The following GNAI1 variants were observed in gnomAD, a reference collection of about 807,000 sequenced individuals.
The protein encoded by GNAI1 is guanine nucleotide-binding protein G(i) subunit alpha-1.
Under a neutral mutation model 38.9 loss-of-function variants are expected in GNAI1, and 11 were observed. The observed-to-expected ratio is 0.28, with a 90% CI of 0.18 to 0.47. The LOEUF is 0.47. GNAI1 is among the 20% of genes least tolerant of loss of function. GNAI1 has a pLI of 0.99. For missense variants in GNAI1, 317 were observed against 436.9 expected (o/e 0.73, Z 2.45); for synonymous variants, 166 against 145.1 (o/e 1.14, Z -1.04).
intron 5 of GNAI1, among the ~76,000 whole-genome samples, chr7:80,208,174 A>G (rs531114157): frequency 1.1e-4 from 17 of 152,202 alleles, no homozygotes; most frequent in African/African-American, 3.1e-4. Flanking sequence ...ACCCTTCAGA[A>G]TCCCTAAGAA....
At chr7:80,186,602 C>T (rs1788390211) in intron 1 of GNAI1, among the ~76,000 whole-genome samples, 1 of 152,148 alleles carries the variant, frequency 6.6e-6, no homozygotes. Flanking sequence ...TCTCAAAACT[C>T]ACGAGCTTAC....
intron 5 of GNAI1, among the ~76,000 whole-genome samples, chr7:80,206,917 A>G (rs955034234): frequency 6.6e-6 from 1 of 152,078 alleles, no homozygotes. Flanking sequence ...TTCTCAAAAT[A>G]CTGTAATATT....
At chr7:80,204,286 C>A (rs1006542892) in intron 5 of GNAI1, among the ~76,000 whole-genome samples, 1 of 151,870 alleles carries the variant, frequency 6.6e-6, no homozygotes, top group East Asian at 1.9e-4. Flanking sequence ...ACTTACCTTC[C>A]CTATGAAGGT....
chr7:80,172,643 T>A (rs1317206737), intron 1 of GNAI1, among the ~76,000 whole-genome samples: 1 of 152,164 alleles, frequency 6.6e-6, no homozygotes, highest in Non-Finnish European at 1.5e-5. Context: ...AATTTAAAGA[T>A]ACTTGCAAAG....
At chr7:80,181,390 A>G (rs1282299353) in intron 1 of GNAI1, among the ~76,000 whole-genome samples, 1 of 152,222 alleles carries the variant, frequency 6.6e-6, no homozygotes, top group Non-Finnish European at 1.5e-5. Flanking sequence ...CCCTTCAAAC[A>G]TATGGTGTGA....
At position 80,203,726 on chromosome 7, in the gene GNAI1, A is replaced by G. The variant is rs1407827636; in HGVS notation, c.484A>G (p.Ile162Val). The G allele has an allele frequency of 6.3e-7, 1 of 1,594,362 alleles. No homozygotes were observed. Among genetic ancestry groups the G allele is most frequent in the Non-Finnish European group, 8.6e-7 (1 of 1,164,776 alleles). Residue 162 changes from isoleucine to valine, a missense_variant, in exon 5 of 8, where the codon ATA (isoleucine) becomes GTA (valine). Around this residue, in one of 5 missense-constraint regions of GNAI1, gnomAD observed 158 missense variants for 234.7 expected, o/e 0.67. Coordinates refer to ENST00000649796, the MANE Select transcript of GNAI1 (RefSeq NM_002069.6). The stretch of plus-strand genomic sequence containing the variant: ...CAGCTATTTGAATGACTTGGACAGA[A>G]TAGCTCAACCAAATTACATCCCGAC... Reference protein sequence around the residue: ...AAYYLNDLDRIAQPNYIPTQQ... With the variant: ...AAYYLNDLDRVAQPNYIPTQQ...
intron 7 of GNAI1, 88 bp from the exon 8 acceptor site, chr7:80,217,215 C>G (rs1788986919): frequency 3.6e-6 from 3 of 837,198 alleles, no homozygotes; most frequent in Non-Finnish European, 5.5e-6. Context: ...AAACTGACTT[C>G]AGTTTCATAT....
At chr7:80,178,673 T>C (rs1788237385) in intron 1 of GNAI1, among the ~76,000 whole-genome samples, 1 of 152,208 alleles carries the variant, frequency 6.6e-6, no homozygotes, top group African/African-American at 2.4e-5. Flanking sequence ...ATAGTTAATA[T>C]AGACTATGGT....
At chr7:80,173,912 TTG>T (rs1788139093) in intron 1 of GNAI1, among the ~76,000 whole-genome samples, 1 of 152,072 alleles carries the variant, frequency 6.6e-6, no homozygotes, top group Admixed American at 6.5e-5. Context: ...GGTGCCTTGA[TTG>T]GGAAATATCA....
chr7:80,193,270 A>C (rs1468393705), intron 3 of GNAI1, among the ~76,000 whole-genome samples: 3 of 152,194 alleles, frequency 2.0e-5, no homozygotes, highest in African/African-American at 7.2e-5. Flanking sequence ...TTGGGATTAC[A>C]TCTTACTTAG....
intron 4 of GNAI1, among the ~76,000 whole-genome samples, chr7:80,202,635 C>T (rs542674987): frequency 3.9e-4 from 59 of 152,274 alleles, no homozygotes; most frequent in Admixed American, 1.9e-3. Context: ...CTCAGGCTGT[C>T]ATCTCTCTAT....
At chr7:80,153,853 A>C (rs948346853) in intron 1 of GNAI1, among the ~76,000 whole-genome samples, 1 of 152,190 alleles carries the variant, frequency 6.6e-6, no homozygotes, top group Non-Finnish European at 1.5e-5. Flanking sequence ...TATTTCAGGC[A>C]GGCAATTTAC....
At chr7:80,212,943 A>G in intron 7 of GNAI1, 74 bp downstream of exon 7, 2 of 986,844 alleles carry the variant, frequency 2.0e-6, no homozygotes, top group African/African-American at 1.7e-5. Context: ...GCAAGAATTC[A>G]GTTGTTAATT....
intron 1 of GNAI1, among the ~76,000 whole-genome samples, chr7:80,159,753 A>G (rs1272617166): frequency 6.6e-6 from 1 of 152,166 alleles, no homozygotes; most frequent in East Asian, 1.9e-4. Context: ...TTAAGAGTCT[A>G]GTGTTCAAGT....
At chr7:80,198,241 G>A (rs1466533138) in intron 3 of GNAI1, among the ~76,000 whole-genome samples, 1 of 151,648 alleles carries the variant, frequency 6.6e-6, no homozygotes, top group Non-Finnish European at 1.5e-5. Context: ...TAATACGTAT[G>A]AAAAAATATG....
At chr7:80,137,111 G>A (rs140230545) in intron 1 of GNAI1, among the ~76,000 whole-genome samples, 1 of 151,896 alleles carries the variant, frequency 6.6e-6, no homozygotes, top group Non-Finnish European at 1.5e-5. Context: ...AAGTCCTCTG[G>A]GGGCAAAATA....
intron 3 of GNAI1, 88 bp downstream of exon 3, chr7:80,189,319 A>C: frequency 8.8e-7 from 1 of 1,139,512 alleles, no homozygotes; most frequent in Non-Finnish European, 1.3e-6. Context: ...TAGGCTTGTC[A>C]ACTATCAGGA....
chr7:80,182,802 G>C (rs568959947), intron 1 of GNAI1, among the ~76,000 whole-genome samples: 5 of 152,234 alleles, frequency 3.3e-5, no homozygotes, highest in African/African-American at 1.2e-4. Context: ...GCATGTTCAC[G>C]TGACAAACAG....
At chr7:80,198,969 A>G (rs1239508684) in intron 3 of GNAI1, among the ~76,000 whole-genome samples, 1 of 152,206 alleles carries the variant, frequency 6.6e-6, no homozygotes, top group Non-Finnish European at 1.5e-5. Flanking sequence ...TGGAACCTTA[A>G]TTATTCTTCC....
Sources: allele counts gnomAD v4.1 joint callset (sites outside exome capture counted in the v4.1 genomes callset), GRCh38; gene constraint gnomAD v4.1.1; regional missense constraint gnomAD v4.1.1; transcripts MANE v1.5; gene names NCBI Gene and HGNC (gene_info 2026-07-23, HGNC 2026-07-21).